Variants in SHKBP1 observed in about 807,000 individuals in gnomAD.
SHKBP1 encodes the protein SH3KBP1 binding protein 1.
SHKBP1 carries 71 observed loss-of-function variants against 83.9 expected under a neutral mutation model. That is an observed-to-expected ratio of 0.85 (90% confidence interval 0.70 to 1.03). The LOEUF is 1.03. Among genes scored for constraint, SHKBP1 ranks in the 50% least tolerant of loss-of-function variants. SHKBP1 has a pLI of 0.00. For synonymous variants in SHKBP1, 371 were observed against 398.0 expected, an observed-to-expected ratio of 0.93 and a Z score of 0.81; for missense variants, 824 against 982.4, an observed-to-expected ratio of 0.84 and a Z score of 2.16.
Position 40,591,101 on chromosome 19 carries a change from G to A in SHKBP1, c.2018G>A (p.Ser673Asn). Residue 673 changes from serine to asparagine, a missense_variant, in exon 18 of 18, where the codon AGT becomes AAT. Physicochemically the swap from Ser to Asn is conservative, Grantham distance 46. This residue lies in a region of SHKBP1 where 287 missense variants were observed against 322.9 expected (regional missense o/e 0.89). Coordinates refer to ENST00000291842, the MANE Select transcript of SHKBP1 (RefSeq NM_138392.4). ...GAACGCTGCCAGGAACTGGTGCGGA[G>A]TGGGCCAGACCTCCGACGGCCACCC... ...FVERCQELVR[S>N]GPDLRRPPTP... The A allele has an allele frequency of 6.2e-7, 1 of 1,612,326 alleles. No individual in the cohort carries two copies. Among genetic ancestry groups the A allele is most frequent in the Non-Finnish European group, 8.5e-7 (1 of 1,178,760 alleles).
In SHKBP1 at chr19:40,590,619, C is replaced by A; in HGVS notation, c.1769-111C>A. The A allele has an allele frequency of 7.1e-7, 1 of 1,407,616 alleles. No homozygotes were observed. Among genetic ancestry groups the A allele is most frequent in the Non-Finnish European group, 9.6e-7 (1 of 1,042,304 alleles). 87.2% of individuals were successfully genotyped at this position (1,407,616 alleles called of 1,614,324 possible). On this transcript the variant is annotated intron_variant, in intron 16 of 17. Transcript: ENST00000291842. This position sits in a 1 kb window ranked among gnomAD's most constrained non-coding sequence, Gnocchi z 4.6. ...CAGCCTCTGGCCCCCATGCATTGAT[C>A]TCTGCTTCCTCTCTCCTGTCCTGAC...
rs202043043 is a variant in SHKBP1 at position 40,578,455 on chromosome 19, G to C, written c.320-7G>C. On this transcript the variant is annotated splice_region_variant and splice_polypyrimidine_tract_variant and intron_variant, in intron 5 of 17. Coordinates refer to ENST00000291842, the MANE Select transcript of SHKBP1 (RefSeq NM_138392.4). ...TAAGTCCCAGCCTTTAAGTCCTCCT[G>C]TTGCAGTTCGTCGCCTGCAGCTTCG... 9 of 1,614,146 alleles carry C rather than the reference G, an allele frequency of 5.6e-6. No homozygotes were observed. The highest frequency in any genetic ancestry group is 7.6e-6 in the Non-Finnish European group (9 of 1,180,002).
Position 40,578,367 on chromosome 19 carries a change from A to G in SHKBP1, c.320-95A>G, listed in dbSNP as rs529809805. The G allele has an allele frequency of 9.1e-5, 135 of 1,480,596 alleles. 1 individual carries two copies. In the South Asian group the frequency reaches 1.5e-3, roughly 17 times the overall value. 91.7% of individuals were successfully genotyped at this position (1,480,596 alleles called of 1,614,324 possible). A position where few individuals can be genotyped will look rare whatever the true frequency, so the allele number is the denominator to read the frequency against. ...CCGGGTCTGTATTCGTACTGGGAGGAGTATTGGTACTCTGTGTAGAAAGAA... is the reference window on the plus strand; with the variant it reads ...CCGGGTCTGTATTCGTACTGGGAGGGGTATTGGTACTCTGTGTAGAAAGAA... On this transcript the variant is annotated intron_variant, in intron 5 of 17. Coordinates refer to ENST00000291842, the MANE Select transcript of SHKBP1 (RefSeq NM_138392.4).
intron 12 of SHKBP1, 45 bp downstream of exon 12, chr19:40,583,762 C>A (rs1764357936): frequency 4.2e-6 from 6 of 1,442,104 alleles, no homozygotes; most frequent in Non-Finnish European, 5.9e-6. Context: ...CCTGCCAGCC[C>A]CAGCCCCAGC....
At position 40,590,857 on chromosome 19, in the gene SHKBP1, G is replaced by A; in HGVS notation, c.1892+4G>A. ...CACCCCGCATCTCCCTCACCAGGTA[G>A]CCACAACTCCACTGCCCCTTCTGTG... On this transcript the variant is annotated splice_donor_region_variant and intron_variant, in intron 17 of 17. Transcript: ENST00000291842. The surrounding 1 kb of genome is among the most constrained non-coding windows in gnomAD (Gnocchi z 4.6). 6.3e-7 allele frequency: 1 copy of A among 1,576,942 alleles called. No homozygotes were observed. Among genetic ancestry groups the A allele is most frequent in the Non-Finnish European group, 8.7e-7 (1 of 1,153,612 alleles).
At position 40,580,472 on chromosome 19, in the gene SHKBP1, T is replaced by C. The variant is rs141029041; in HGVS notation, c.549T>C (p.Pro183=). ...LLGRMLDEKT[P]PSPSGQPEEP... The stretch of plus-strand genomic sequence containing the variant: ...GCCGAATGCTGGATGAGAAAACCCC[T>C]CCCTCACCCTCAGGTACGTTTCTAT... Residue 183 remains proline (P), a synonymous_variant, in exon 7 of 18, where the codon CCT becomes CCC. Transcript: ENST00000291842. 1,259 of 1,611,588 alleles carry C rather than the reference T, an allele frequency of 7.8e-4. 14 individuals carry two copies. In the African/African-American group the frequency reaches 0.015, roughly 19 times the overall value.
intron 13 of SHKBP1, among the ~76,000 whole-genome samples, chr19:40,587,873 C>T (rs535574734): frequency 6.6e-6 from 1 of 152,204 alleles, no homozygotes. Context: ...CCCTGCACTC[C>T]AGCCCAGGCA....
chr19:40,590,110 T>G lies in SHKBP1; in HGVS notation c.1590-134T>G. On this transcript the variant is annotated intron_variant, in intron 15 of 17. Coordinates refer to ENST00000291842, the MANE Select transcript of SHKBP1 (RefSeq NM_138392.4). The surrounding 1 kb of genome is among the most constrained non-coding windows in gnomAD (Gnocchi z 4.6). Reference sequence around the variant, plus strand: ...GCTGCTGGACCCTTGGGACTGGAACTCAAAAGCAGGCTAGGGATGGATAAA... The same window carrying G: ...GCTGCTGGACCCTTGGGACTGGAACGCAAAAGCAGGCTAGGGATGGATAAA... The G allele has an allele frequency of 9.4e-7, 1 of 1,058,630 alleles. No individual in the cohort carries two copies. Among genetic ancestry groups the G allele is most frequent in the Non-Finnish European group, 1.3e-6 (1 of 757,974 alleles). 65.6% of individuals were successfully genotyped at this position (1,058,630 alleles called of 1,614,324 possible).
At chr19:40,578,642 A>G in intron 6 of SHKBP1, 100 bp downstream of exon 6, 1 of 1,035,382 alleles carries the variant, frequency 9.7e-7, no homozygotes, top group Non-Finnish European at 1.5e-6. Flanking sequence ...GCGTCCTGAG[A>G]TACAGTGGGA....
In SHKBP1 at chr19:40,586,916, C is replaced by G. The variant is rs200227067; in HGVS notation, c.1308C>G (p.Ile436Met). Residue 436 changes from isoleucine to methionine, a missense_variant, in exon 13 of 18, where the codon ATC (isoleucine) becomes ATG (methionine). Physicochemically the swap from Ile to Met is conservative, Grantham distance 10. Around this residue, in one of 3 missense-constraint regions of SHKBP1, gnomAD observed 182 missense variants for 273.1 expected, o/e 0.67. Transcript: ENST00000291842. ...TGCACCGCAGCCCTGTCACCAAGAT[C>G]ATGCTGTCGGAGAAGCACCTCATCT... is the stretch of plus-strand genomic sequence containing the variant. ...FTVHRSPVTKIMLSEKHLISV... is the reference protein window; with the variant it reads ...FTVHRSPVTKMMLSEKHLISV... 93 of 1,606,920 alleles carry G rather than the reference C, an allele frequency of 5.8e-5. 2 individuals carry two copies. The Admixed American group carries it at 1.2e-3, about 21-fold the overall frequency.
chr19:40,586,945 G>A lies in SHKBP1; in HGVS notation c.1336+1G>A. 1 of 1,594,730 alleles carries A rather than the reference G, an allele frequency of 6.3e-7. No individual in the cohort carries two copies. On this transcript the variant is annotated splice_donor_variant, in intron 13 of 17. Coordinates refer to ENST00000291842, the MANE Select transcript of SHKBP1 (RefSeq NM_138392.4). LOFTEE classifies it high-confidence loss of function. ...CTGTCGGAGAAGCACCTCATCTCAG[G>A]TGAGCCTCTGTGGGGTGCTCCAGTG...
At chr19:40,589,058 G>T in intron 14 of SHKBP1, 24 bp from the exon 15 acceptor site, 1 of 1,607,016 alleles carries the variant, frequency 6.2e-7, no homozygotes, top group Non-Finnish European at 8.5e-7. Flanking sequence ...AGCTGGCCCT[G>T]ACCCCTGCCC....
rs541513419 is a variant in SHKBP1 at position 40,580,363 on chromosome 19, G to T, written c.440G>T (p.Gly147Val). ...VKRRNRHSLV[G>V]PQQLGGRPAP... ...CGGCGGAACCGGCACAGCCTAGTGG[G>T]GCCTCAGCAGCTAGGAGGACGGCCA... The change falls in exon 7 of 18, where the codon GGG becomes GTG. Residue 147 changes from glycine (G) to valine (V), a missense_variant. Transcript: ENST00000291842. 1 of 1,614,222 alleles carries T rather than the reference G, an allele frequency of 6.2e-7. No homozygotes were observed. Among genetic ancestry groups the T allele is most frequent in the African/African-American group, 1.3e-5 (1 of 75,056 alleles).
rs774239601 is a variant in SHKBP1, at chr19:40,588,738, C to T, written c.1451C>T (p.Ser484Leu). 6 of 1,614,026 alleles carry T rather than the reference C, an allele frequency of 3.7e-6. No homozygotes were observed. Among genetic ancestry groups the T allele is most frequent in the Admixed American group, 1.7e-5 (1 of 60,020 alleles). Reference sequence around the variant, plus strand: ...TCCTTTAAGATCCTGGCTCTGGAGTCGGCAGATGGGCATGGCGGCTGCAGT... The same window carrying T: ...TCCTTTAAGATCCTGGCTCTGGAGTTGGCAGATGGGCATGGCGGCTGCAGT... ...LASFKILALE[S>L]ADGHGGCSAG... Residue 484 changes from serine (S) to leucine (L), a missense_variant, in exon 14 of 18, where the codon TCG becomes TTG. Around this residue, in one of 3 missense-constraint regions of SHKBP1, gnomAD observed 287 missense variants for 322.9 expected, o/e 0.89. Transcript: ENST00000291842.
At position 40,583,519 on chromosome 19, in the gene SHKBP1, C is replaced by A. The variant is rs749118306; in HGVS notation, c.1048+34C>A. ...CAGCCTGTGTCCCGGGTGCCCGAGA[C>A]CCTCCCCTGGGAGAGGGGAAGGGAG... is the stretch of plus-strand genomic sequence containing the variant. On this transcript the variant is annotated intron_variant, in intron 11 of 17. Coordinates refer to ENST00000291842, the MANE Select transcript of SHKBP1 (RefSeq NM_138392.4). The A allele has an allele frequency of 4.3e-6, 7 of 1,612,270 alleles. No individual in the cohort carries two copies. The East Asian group carries it at 1.6e-4, about 36-fold the overall frequency.
chr19:40,586,608 C>A, intron 12 of SHKBP1, 166 bp from the exon 13 acceptor site: 1 of 575,214 alleles, frequency 1.7e-6, no homozygotes, highest in Non-Finnish European at 2.7e-6. Context: ...CTCAAGCGAT[C>A]CACCCGCCTC....
chr19:40,577,933 C>T (rs193149306), intron 4 of SHKBP1: 59 of 632,216 alleles, frequency 9.3e-5, no homozygotes, highest in Middle Eastern at 5.6e-4. Context: ...AATTTTATGT[C>T]CTTCGATTTC....
Position 40,583,413 on chromosome 19 carries a change from C to T in SHKBP1, c.976C>T (p.Pro326Ser). 1 of 1,589,610 alleles carries T rather than the reference C, an allele frequency of 6.3e-7. No homozygotes were observed. The highest frequency in any genetic ancestry group is 8.6e-7 in the Non-Finnish European group (1 of 1,167,906). ...CCACCCCCAGGTCCAGGAGGTGCAG[C>T]CCATCACCAGTTATGACGCGGCAGG... ...TKHWQVQEVQ[P>S]ITSYDAAGSF... Residue 326 changes from proline (P) to serine (S), a missense_variant, in exon 11 of 18, where the codon CCC (proline) becomes TCC (serine). By Grantham distance (74) the Pro-to-Ser change is moderately conservative (BLOSUM62 -1). Around this residue, in one of 3 missense-constraint regions of SHKBP1, gnomAD observed 182 missense variants for 273.1 expected, o/e 0.67. Transcript: ENST00000291842.
At position 40,583,438 on chromosome 19, in the gene SHKBP1, G is replaced by C. The variant is rs747954943; in HGVS notation, c.1001G>C (p.Gly334Ala). 2 of 1,605,332 alleles carry C rather than the reference G, an allele frequency of 1.2e-6. No homozygotes were observed. Among genetic ancestry groups the C allele is most frequent in the Admixed American group, 1.7e-5 (1 of 58,278 alleles). The change falls in exon 11 of 18, where the codon GGC becomes GCC. Residue 334 changes from glycine (G) to alanine (A), a missense_variant. Gly to Ala is a moderately conservative substitution (Grantham distance 60). Around this residue, in one of 3 missense-constraint regions of SHKBP1, gnomAD observed 182 missense variants for 273.1 expected, o/e 0.67. Transcript: ENST00000291842. ...CCCATCACCAGTTATGACGCGGCAG[G>C]CTCCTTCCTCCTCCTGGGCTGCAAC... Reference protein sequence around the residue: ...VQPITSYDAAGSFLLLGCNNG... With the variant: ...VQPITSYDAAASFLLLGCNNG...
Sources: gnomAD v4.1 joint callset for allele counts (sites outside exome capture counted in the v4.1 genomes callset) on GRCh38, gnomAD v4.1.1 for gene constraint, gnomAD v4.1.1 regional missense constraint, Gnocchi (gnomAD v3.1) non-coding constraint, MANE v1.5 for transcripts, NCBI Gene and HGNC (gene_info 2026-07-23, HGNC 2026-07-21) for gene names.